The following ARHGAP6 variants were observed in gnomAD, a reference collection of about 807,000 sequenced individuals.
ARHGAP6 encodes the protein Rho GTPase activating protein 6.
ARHGAP6 carries 16 observed loss-of-function variants against 55.7 expected under a neutral mutation model. The observed-to-expected ratio is 0.29, with a 90% CI of 0.19 to 0.44. The LOEUF (loss-of-function observed/expected upper bound fraction) is 0.44. Ranked by LOEUF, ARHGAP6 falls within the 20% of genes least tolerant of loss-of-function variation. The pLI, the probability that ARHGAP6 is intolerant of heterozygous loss-of-function variation, is 1.00. For missense variants in ARHGAP6, 698 were observed against 808.9 expected (o/e 0.86, Z 1.66); for synonymous variants, 382 against 360.9 (o/e 1.06, Z -0.66).
At chrX:11,609,881 C>G (rs915089229) in intron 1 of ARHGAP6, among the ~76,000 whole-genome samples, 3 of 111,850 alleles carry the variant, frequency 2.7e-5, no homozygotes, top group African/African-American at 9.8e-5. Context: ...TGCCAGTAAC[C>G]CAGGCTGGCC....
chrX:11,469,886 A>G (rs889056322), intron 1 of ARHGAP6, among the ~76,000 whole-genome samples: 4 of 111,546 alleles, frequency 3.6e-5, no homozygotes, highest in Non-Finnish European at 7.5e-5. Context: ...TGTTCTATCT[A>G]ATGGGATTCG....
Position 11,145,614 on chromosome X carries a change from G to C in ARHGAP6, c.1908-1366C>G, listed in dbSNP as rs185766544. Among the ~76,000 whole-genome samples, 9 of 112,290 alleles carry C rather than the reference G, an allele frequency of 8.0e-5. No individual in the cohort carries two copies. The Admixed American group carries it at 8.4e-4, about 11-fold the overall frequency. On this transcript the variant is annotated intron_variant, in intron 10 of 12. Coordinates refer to ENST00000337414, the MANE Select transcript of ARHGAP6 (RefSeq NM_013427.3). ...GTGGTTGTGAAGTGCATCCCAGGGT[G>C]GCTGCATCTGTCTCACCTGGGAACT...
At chrX:11,488,067 T>C (rs2050529213) in intron 1 of ARHGAP6, among the ~76,000 whole-genome samples, 2 of 111,927 alleles carry the variant, frequency 1.8e-5, no homozygotes, top group African/African-American at 6.5e-5. Flanking sequence ...TCTCCAATAC[T>C]CTTCAAAAAA....
At chrX:11,445,600 A>G (rs1461102950) in intron 1 of ARHGAP6, among the ~76,000 whole-genome samples, 1 of 112,146 alleles carries the variant, frequency 8.9e-6, no homozygotes. Context: ...TTAGAATATC[A>G]GTTCAATGAT....
intron 8 of ARHGAP6, among the ~76,000 whole-genome samples, chrX:11,173,363 C>CT (rs1356718737): frequency 8.9e-6 from 1 of 111,844 alleles, no homozygotes; most frequent in African/African-American, 3.3e-5. Flanking sequence ...TTTGTAACTT[C>CT]TTTTTTTGCC....
intron 1 of ARHGAP6, among the ~76,000 whole-genome samples, chrX:11,460,959 A>G (rs1047177779): frequency 1.8e-5 from 2 of 112,033 alleles, no homozygotes; most frequent in Non-Finnish European, 1.9e-5. Context: ...AATGCAATGG[A>G]AACATATTTT....
intron 1 of ARHGAP6, among the ~76,000 whole-genome samples, chrX:11,501,987 T>C (rs1485641476): frequency 3.6e-5 from 4 of 112,120 alleles, no homozygotes; most frequent in Non-Finnish European, 7.5e-5. Context: ...TGTGTGTTTA[T>C]ATACAAATGA....
At chrX:11,400,511 C>T (rs1322014174) in intron 1 of ARHGAP6, among the ~76,000 whole-genome samples, 1 of 104,137 alleles carries the variant, frequency 9.6e-6, no homozygotes, top group African/African-American at 3.5e-5. Context: ...CGCACCCCGT[C>T]CCCCCCTGGC....
chrX:11,527,965 G>A (rs747447847), intron 1 of ARHGAP6, among the ~76,000 whole-genome samples: 1 of 112,488 alleles, frequency 8.9e-6, no homozygotes, highest in Non-Finnish European at 1.9e-5. Flanking sequence ...ATGTAACTGA[G>A]TGATTTGCTA....
chrX:11,143,754 T>TG, intron 11 of ARHGAP6: 1 of 1,130,164 alleles, frequency 8.8e-7, no homozygotes, highest in East Asian at 3.1e-5. Context: ...ATCTGAGACT[T>TG]GGAGTGTGGC....
intron 9 of ARHGAP6, among the ~76,000 whole-genome samples, chrX:11,159,933 T>G (rs979218579): frequency 2.7e-5 from 3 of 111,085 alleles, no homozygotes; most frequent in African/African-American, 9.9e-5. Flanking sequence ...AACAGCCATG[T>G]GCTATTATAA....
intron 1 of ARHGAP6, among the ~76,000 whole-genome samples, chrX:11,415,801 T>C (rs191771467): frequency 4.9e-4 from 55 of 112,050 alleles, no homozygotes; most frequent in African/African-American, 1.6e-3. Flanking sequence ...GGCCCCAGGA[T>C]AGATACACAT....
In ARHGAP6 at chrX:11,391,862, T is replaced by A. The variant is rs186325861; in HGVS notation, c.589-137155A>T. Among the ~76,000 whole-genome samples, 7 of 111,816 alleles carry A rather than the reference T, an allele frequency of 6.3e-5. No homozygotes were observed. In the East Asian group the frequency reaches 2.0e-3, roughly 32 times the overall value. Reference sequence around the variant, plus strand: ...AGTGGGTCTGGGGTGTGCCTGAGATTCTGCATTTTGCAATGTCAACAGTGG... The same window carrying A: ...AGTGGGTCTGGGGTGTGCCTGAGATACTGCATTTTGCAATGTCAACAGTGG... On this transcript the variant is annotated intron_variant, in intron 1 of 12. Coordinates refer to ENST00000337414, the MANE Select transcript of ARHGAP6 (RefSeq NM_013427.3).
At chrX:11,218,213 A>G (rs529297590) in intron 2 of ARHGAP6, among the ~76,000 whole-genome samples, 1 of 111,915 alleles carries the variant, frequency 8.9e-6, no homozygotes, top group African/African-American at 3.3e-5. Flanking sequence ...ATGGTTCCAT[A>G]TGAAATTCAA....
rs755272228 is a variant in ARHGAP6, at chrX:11,296,560, C to A, written c.589-41853G>T. Among the ~76,000 whole-genome samples, 6 of 112,093 alleles carry A rather than the reference C, an allele frequency of 5.4e-5. No individual in the cohort carries two copies. The East Asian group carries it at 1.7e-3, about 31-fold the overall frequency. On this transcript the variant is annotated intron_variant, in intron 1 of 12. Coordinates refer to ENST00000337414, the MANE Select transcript of ARHGAP6 (RefSeq NM_013427.3). Reference sequence around the variant, plus strand: ...GAACAGTCATTTAGCTGTTCTGAACCTCTTTAAAATAAAAGGTCTCCTCTT... The same window carrying A: ...GAACAGTCATTTAGCTGTTCTGAACATCTTTAAAATAAAAGGTCTCCTCTT...
chrX:11,174,549 C>T lies in ARHGAP6; in HGVS notation c.1629+3551G>A, dbSNP rs1265514873. ...TCCTTCCTTCCTTCCTTCCTTCCTT[C>T]CTTCCTTCCTTCCTTCCTTCCTTCC... On this transcript the variant is annotated intron_variant, in intron 8 of 12. Transcript: ENST00000337414. Among the ~76,000 whole-genome samples, 47 of 79,833 alleles carry T rather than the reference C, an allele frequency of 5.9e-4. 3 individuals are homozygous for T. In the South Asian group the frequency reaches 0.029, roughly 49 times the overall value. The allele number at this position is 79,833 out of a possible 115,157, so 69.3% of individuals were successfully genotyped here.
intron 1 of ARHGAP6, among the ~76,000 whole-genome samples, chrX:11,619,962 T>C (rs1418903437): frequency 8.9e-6 from 1 of 112,257 alleles, no homozygotes; most frequent in Non-Finnish European, 1.9e-5. Context: ...CTCTGTATTA[T>C]AACTAACTAC....
chrX:11,387,670 A>G (rs777160787), intron 1 of ARHGAP6, among the ~76,000 whole-genome samples: 1 of 111,441 alleles, frequency 9.0e-6, no homozygotes, highest in East Asian at 2.8e-4. Context: ...GTCATTTAAC[A>G]TTAGGTATAT....
intron 1 of ARHGAP6, among the ~76,000 whole-genome samples, chrX:11,472,395 G>C (rs1210974627): frequency 4.5e-5 from 5 of 112,042 alleles, no homozygotes; most frequent in African/African-American, 1.6e-4. Flanking sequence ...AGATGGAGAG[G>C]CACCACTTTA....
Sources: allele counts gnomAD v4.1 joint callset (sites outside exome capture counted in the v4.1 genomes callset), GRCh38; gene constraint gnomAD v4.1.1; transcripts MANE v1.5; gene names NCBI Gene and HGNC (gene_info 2026-07-23, HGNC 2026-07-21).